The following EEA1 variants were observed in gnomAD, a reference collection of about 807,000 sequenced individuals.
EEA1 encodes the protein early endosome antigen 1, 162kD.
Under a neutral mutation model 209.2 loss-of-function variants are expected in EEA1, and 111 were observed. The observed-to-expected ratio is 0.53, with a 90% CI of 0.45 to 0.62. The LOEUF (loss-of-function observed/expected upper bound fraction) is 0.62, where lower values mean the gene tolerates loss of function less well. Ranked by LOEUF, EEA1 falls within the 20% of genes least tolerant of loss-of-function variation. EEA1 has a pLI of 0.00. For synonymous variants in EEA1, 536 were observed against 540.6 expected, an observed-to-expected ratio of 0.99 and a Z score of 0.12; for missense variants, 1,343 against 1,530.8, an observed-to-expected ratio of 0.88 and a Z score of 2.05.
chr12:92,812,679 A>C (rs1412112800), intron 16 of EEA1, among the ~76,000 whole-genome samples: 1 of 152,072 alleles, frequency 6.6e-6, no homozygotes, highest in Non-Finnish European at 1.5e-5. Context: ...GCAACAATTC[A>C]AAAGTTAGGA....
chr12:92,913,374 T>C (rs1445833274), intron 1 of EEA1, among the ~76,000 whole-genome samples: 4 of 152,244 alleles, frequency 2.6e-5, no homozygotes, highest in African/African-American at 9.6e-5. Flanking sequence ...TGTCCTTTGC[T>C]TACTTTCTGA....
intron 9 of EEA1, among the ~76,000 whole-genome samples, chr12:92,849,443 T>C (rs1310967845): frequency 1.3e-5 from 2 of 152,206 alleles, no homozygotes; most frequent in African/African-American, 4.8e-5. Flanking sequence ...ACATTTGTAC[T>C]TATAGATTTA....
At chr12:92,913,274 T>TC (rs1880643147) in intron 1 of EEA1, among the ~76,000 whole-genome samples, 1 of 152,242 alleles carries the variant, frequency 6.6e-6, no homozygotes, top group Admixed American at 6.5e-5. Flanking sequence ...TCAATGCATT[T>TC]TTAATTTGCA....
At chr12:92,783,512 A>G (rs1376573901) in intron 22 of EEA1, among the ~76,000 whole-genome samples, 1 of 152,192 alleles carries the variant, frequency 6.6e-6, no homozygotes, top group African/African-American at 2.4e-5. Flanking sequence ...AATTCAGCCA[A>G]ACATAGAATG....
At chr12:92,890,275 G>C (rs1879609396) in intron 2 of EEA1, among the ~76,000 whole-genome samples, 1 of 152,096 alleles carries the variant, frequency 6.6e-6, no homozygotes, top group Non-Finnish European at 1.5e-5. Context: ...AGGAGGGAGA[G>C]AGGATAAATT....
intron 2 of EEA1, chr12:92,884,258 A>T: frequency 6.7e-7 from 1 of 1,501,318 alleles, no homozygotes; most frequent in Non-Finnish European, 9.1e-7. Flanking sequence ...TAAGACTGTC[A>T]TTCAGAAATA....
intron 2 of EEA1, among the ~76,000 whole-genome samples, chr12:92,889,995 TTCA>T (rs1879597000): frequency 6.6e-6 from 1 of 152,136 alleles, no homozygotes; most frequent in South Asian, 2.1e-4. Context: ...TAAACACCAA[TTCA>T]TCAAAAAGAT....
rs1299581855 is a variant in EEA1, at chr12:92,864,970, C to T, written c.135G>A (p.Gln45=). Residue 45 remains glutamine (Q), a synonymous_variant, in exon 3 of 29, where the codon CAG becomes CAA. Coordinates refer to ENST00000322349, the MANE Select transcript of EEA1 (RefSeq NM_003566.4). The stretch of plus-strand genomic sequence containing the variant: ...CAGCAGATCCAAGAGATTTCATACA[C>T]TGGGGACATATGAAACCCTATAGAA... ...ESSSEGFICP[Q]CMKSLGSADE... The T allele has an allele frequency of 1.9e-6, 3 of 1,606,534 alleles. No individual in the cohort carries two copies. The highest frequency in any genetic ancestry group is 2.5e-6 in the Non-Finnish European group (3 of 1,176,916).
chr12:92,809,241 T>C lies in EEA1; in HGVS notation c.2200-85A>G. ...AAATACTATAACATTTTTGTTTATA[T>C]TCAAACAGGTGTGACATACAAAAAA... On this transcript the variant is annotated intron_variant, in intron 17 of 28. Transcript: ENST00000322349. 3 of 1,086,592 alleles carry C rather than the reference T, an allele frequency of 2.8e-6. No homozygotes were observed. In the South Asian group the frequency reaches 7.7e-5, roughly 28 times the overall value. The allele number at this position is 1,086,592 out of a possible 1,614,324, so 67.3% of individuals were successfully genotyped here.
At chr12:92,874,444 C>T (rs542983427) in intron 2 of EEA1, among the ~76,000 whole-genome samples, 1 of 152,258 alleles carries the variant, frequency 6.6e-6, no homozygotes, top group African/African-American at 2.4e-5. Flanking sequence ...CGGCTCACTG[C>T]AACCTCTGCC....
intron 22 of EEA1, among the ~76,000 whole-genome samples, chr12:92,785,075 C>A (rs571665908): frequency 1.1e-3 from 153 of 133,602 alleles, no homozygotes; most frequent in African/African-American, 4.1e-3. Context: ...TTCTTGATTT[C>A]TGATGAAATG....
At chr12:92,869,790 G>GAAAAAAAAAAAAAA (rs1230847458) in intron 2 of EEA1, among the ~76,000 whole-genome samples, 4 of 69,050 alleles carry the variant, frequency 5.8e-5, no homozygotes, top group Non-Finnish European at 9.6e-5. Flanking sequence ...AAAAAAAAAG[G>GAAAAAAAAAAAAAA]AAAGCCCTTA....
intron 1 of EEA1, among the ~76,000 whole-genome samples, chr12:92,909,783 G>A (rs145555557): frequency 0.019 from 2,863 of 152,230 alleles, 60 homozygotes; most frequent in Non-Finnish European, 0.025. Flanking sequence ...TTGGGAGGCC[G>A]AGGTAGGAGG....
intron 2 of EEA1, among the ~76,000 whole-genome samples, chr12:92,877,289 T>C (rs1878951328): frequency 6.6e-6 from 1 of 152,020 alleles, no homozygotes; most frequent in South Asian, 2.1e-4. Context: ...ACCTGGGTTT[T>C]AACCAGGAAA....
At chr12:92,916,442 C>T (rs908704365) in intron 1 of EEA1, among the ~76,000 whole-genome samples, 2 of 151,214 alleles carry the variant, frequency 1.3e-5, no homozygotes, top group African/African-American at 4.9e-5. Context: ...ATCATGAGGT[C>T]AGGAGTTCAA....
At chr12:92,900,862 T>C (rs1047501595) in intron 1 of EEA1, among the ~76,000 whole-genome samples, 1 of 152,128 alleles carries the variant, frequency 6.6e-6, no homozygotes, top group East Asian at 1.9e-4. Flanking sequence ...AGAGACAGGG[T>C]TTCACCATGT....
chr12:92,792,577 C>A (rs966399441), intron 21 of EEA1, among the ~76,000 whole-genome samples: 2 of 152,130 alleles, frequency 1.3e-5, no homozygotes, highest in Admixed American at 1.3e-4. Context: ...CAAGACTAAA[C>A]CAGGAAGAAG....
intron 2 of EEA1, among the ~76,000 whole-genome samples, chr12:92,881,194 A>G (rs1879123962): frequency 6.6e-6 from 1 of 152,188 alleles, no homozygotes; most frequent in Non-Finnish European, 1.5e-5. Flanking sequence ...GTTTGAGCCC[A>G]GGAATTCAAG....
intron 14 of EEA1, among the ~76,000 whole-genome samples, chr12:92,817,379 G>GT (rs1185746352): frequency 5.4e-5 from 8 of 149,030 alleles, no homozygotes; most frequent in South Asian, 2.1e-4. Flanking sequence ...TACCATTTCT[G>GT]TTTTTTTTTA....
Sources: gnomAD v4.1 joint callset for allele counts (sites outside exome capture counted in the v4.1 genomes callset) on GRCh38, gnomAD v4.1.1 for gene constraint, MANE v1.5 for transcripts, NCBI Gene and HGNC (gene_info 2026-07-23, HGNC 2026-07-21) for gene names.